Variants in ABCC10 observed in about 807,000 individuals in gnomAD.
ABCC10 encodes the protein ATP binding cassette subfamily C member 10.
ABCC10 carries 110 observed loss-of-function variants against 143.2 expected under a neutral mutation model. The ratio of observed to expected loss-of-function variants is 0.77; its 90% CI spans 0.66 to 0.90. ABCC10 has a LOEUF of 0.90. Among genes scored for constraint, ABCC10 ranks in the 40% least tolerant of loss-of-function variants. The pLI is 0.00. For synonymous variants in ABCC10, 805 were observed against 846.7 expected (o/e 0.95, Z 0.85); for missense variants, 1,700 against 1,900.5 (o/e 0.89, Z 1.96).
intron 8 of ABCC10, among the ~76,000 whole-genome samples, chr6:43,440,865 A>G (rs945454585): frequency 4.2e-5 from 6 of 143,474 alleles, no homozygotes; most frequent in African/African-American, 1.5e-4. Context: ...CTCCGTCTCA[A>G]AAAAAAAAAA....
intron 2 of ABCC10, among the ~76,000 whole-genome samples, chr6:43,431,470 C>T (rs1781112057): frequency 6.6e-6 from 1 of 152,198 alleles, no homozygotes; most frequent in Non-Finnish European, 1.5e-5. Flanking sequence ...AAGCGATTCT[C>T]CTGCCTCAGC....
chr6:43,427,792 ACCT>A (rs1211803035), intron 1 of ABCC10, 35 bp downstream of exon 1: 12 of 673,028 alleles, frequency 1.8e-5, no homozygotes, highest in Admixed American at 4.9e-5. Flanking sequence ...CACTGGGGAA[ACCT>A]CCTCCCGTTT....
intron 14 of ABCC10, 38 bp downstream of exon 14, chr6:43,445,352 C>T (rs758332975): frequency 4.2e-5 from 67 of 1,586,748 alleles, no homozygotes; most frequent in Non-Finnish European, 5.5e-5. Context: ...GGAGTGCAGT[C>T]CTAGCCCCTG....
Position 43,445,885 on chromosome 6 carries a change from A to C in ABCC10, c.3317A>C (p.His1106Pro), listed in dbSNP as rs777560176. 21 of 1,613,822 alleles carry C rather than the reference A, an allele frequency of 1.3e-5. No individual in the cohort carries two copies. In the African/African-American group the frequency reaches 2.4e-4, roughly 18 times the overall value. Residue 1106 changes from histidine to proline, a missense_variant, in exon 15 of 22, where the codon CAT becomes CCT. By Grantham distance (77) the His-to-Pro change is moderately conservative. Transcript: ENST00000372530. ...GSLTLSPLYS[H>P]LADTLAGLSV... ...CTCACCCTGTCTCCACTGTATAGCC[A>C]TCTGGCCGATACCTTGGCTGGCCTC...
intron 8 of ABCC10, among the ~76,000 whole-genome samples, chr6:43,439,517 C>A (rs545046335): frequency 3.9e-5 from 6 of 152,290 alleles, no homozygotes; most frequent in African/African-American, 1.4e-4. Flanking sequence ...ATCCTCCCAC[C>A]TCAGCCCCTC....
intron 20 of ABCC10, 41 bp from the exon 21 acceptor site, chr6:43,449,381 T>G (rs778012276): frequency 3.2e-6 from 5 of 1,565,112 alleles, no homozygotes. Flanking sequence ...CCCTGCAGCC[T>G]CTCCTTCCTT....
intron 2 of ABCC10, among the ~76,000 whole-genome samples, chr6:43,429,244 G>A (rs113827340): frequency 7.9e-4 from 2 of 2,540 alleles, no homozygotes; most frequent in Non-Finnish European, 2.1e-3. Flanking sequence ...TGATGAGGCT[G>A]GTTGATGGCC....
At chr6:43,448,044 G>A in intron 18 of ABCC10, 107 bp downstream of exon 18, 3 of 1,522,284 alleles carry the variant, frequency 2.0e-6, no homozygotes, top group Non-Finnish European at 8.9e-7. Context: ...AGCCAGGGCT[G>A]ATCAGGGGGC....
At chr6:43,437,203 T>G (rs1781817558) in intron 6 of ABCC10, among the ~76,000 whole-genome samples, 1 of 151,996 alleles carries the variant, frequency 6.6e-6, no homozygotes, top group South Asian at 2.1e-4. Flanking sequence ...TGCTCGAGTT[T>G]ACAAGTTACA....
chr6:43,440,755 G>A (rs374047882), intron 8 of ABCC10, among the ~76,000 whole-genome samples: 22 of 151,822 alleles, frequency 1.4e-4, no homozygotes, highest in East Asian at 1.9e-4. Context: ...CCAGCTACTC[G>A]GGAGGCTGAG....
chr6:43,433,016 T>TA lies in ABCC10; in HGVS notation c.1037dup (p.Tyr346Ter). Residue 346 changes from tyrosine (Y) to a stop codon, truncating the protein, a stop_gained and frameshift_variant, in exon 3 of 22, where the codon TAT becomes TAAT. Transcript: ENST00000372530. LOFTEE classifies it high-confidence loss of function. Reference protein sequence around the residue: ...LGAVLQNQYGYEVYKVTLQAR... With the variant: ...LGAVLQNQYG ...TGCTGTGCTGCAGAATCAGTATGGG[T>TA]ATGAGGTATATAAGGTAACACTTCA... 6.2e-7 allele frequency: 1 copy of TA among 1,613,942 alleles called. No individual in the cohort carries two copies. The highest frequency in any genetic ancestry group is 2.2e-5 in the East Asian group (1 of 44,866).
chr6:43,445,074 C>G, intron 13 of ABCC10, 51 bp from the exon 14 acceptor site: 1 of 1,600,632 alleles, frequency 6.2e-7, no homozygotes, highest in Non-Finnish European at 8.5e-7. Flanking sequence ...GAGAAAGGAC[C>G]CCCGAGTGGC....
In ABCC10 at chr6:43,432,124, C is replaced by T. The variant is rs1373531756; in HGVS notation, c.162-18C>T. On this transcript the variant is annotated intron_variant, in intron 2 of 21. Coordinates refer to ENST00000372530, the MANE Select transcript of ABCC10 (RefSeq NM_001198934.2). ...AGTCAGCCACGATGTGCCTCCTTGT[C>T]TTCCCCCTTGTCCCCAGGAGTCCAG... 3.1e-6 allele frequency: 5 copies of T among 1,611,402 alleles called. No homozygotes were observed. In the African/African-American group the frequency reaches 5.3e-5, roughly 17 times the overall value.
Position 43,440,918 on chromosome 6 carries a change from CAAA to C in ABCC10, c.2128-934_2128-932del, listed in dbSNP as rs10715690. ...GCAATATGGTAAAATCTCTTCTCTA[CAAA>C]AAAAAAAAACAAACAAACAAAAAAA... On this transcript the variant is annotated intron_variant, in intron 8 of 21. Coordinates refer to ENST00000372530, the MANE Select transcript of ABCC10 (RefSeq NM_001198934.2). Among the ~76,000 whole-genome samples, 527 of 137,492 alleles carry C rather than the reference CAAA, an allele frequency of 3.8e-3. 4 individuals carry two copies. Among genetic ancestry groups the C allele is most frequent in the African/African-American group, 0.013 (472 of 36,622 alleles). The allele number at this position is 137,492 out of a possible 152,430, so 90.2% of individuals were successfully genotyped here.
chr6:43,433,093 G>A lies in ABCC10; in HGVS notation c.1113G>A (p.Gly371=). Residue 371 remains glycine (G), a synonymous_variant, in exon 3 of 22, where the codon GGG becomes GGA. Transcript: ENST00000372530. The stretch of plus-strand genomic sequence containing the variant: ...TGTACTGCAAGGCTTTACAGCTGGG[G>A]CCCAGCCGCCCTCCTACTGGGGAGG... ...NILYCKALQL[G]PSRPPTGEAL... 6.2e-7 allele frequency: 1 copy of A among 1,614,116 alleles called. No homozygotes were observed. The highest frequency in any genetic ancestry group is 8.5e-7 in the Non-Finnish European group (1 of 1,180,008).
intron 16 of ABCC10, chr6:43,447,020 G>A: frequency 2.9e-6 from 2 of 681,352 alleles, no homozygotes; most frequent in East Asian, 4.8e-5. Context: ...GCTAATTTTT[G>A]TATTTTTAGT....
chr6:43,445,557 C>G, intron 14 of ABCC10, 42 bp from the exon 15 acceptor site: 1 of 1,556,318 alleles, frequency 6.4e-7, no homozygotes, highest in Non-Finnish European at 8.8e-7. Flanking sequence ...AACCCCTCTT[C>G]TGCCAGACTC....
chr6:43,439,001 CA>C (rs1339343217), intron 8 of ABCC10, among the ~76,000 whole-genome samples: 2 of 152,196 alleles, frequency 1.3e-5, no homozygotes, highest in Non-Finnish European at 2.9e-5. Flanking sequence ...GTGTTCTGCA[CA>C]GTTGTGGGAA....
chr6:43,449,585 C>T (rs747708295), intron 21 of ABCC10, 51 bp downstream of exon 21: 7 of 1,480,688 alleles, frequency 4.7e-6, no homozygotes, highest in Middle Eastern at 1.8e-4. Flanking sequence ...TAGCATGCAC[C>T]GAGAGCCTCC....
Sources: allele counts gnomAD v4.1 joint callset (sites outside exome capture counted in the v4.1 genomes callset), GRCh38; gene constraint gnomAD v4.1.1; transcripts MANE v1.5; gene names NCBI Gene and HGNC (gene_info 2026-07-23, HGNC 2026-07-21).